CADM2: variants seen among roughly 807,000 people sequenced by gnomAD.
The protein encoded by CADM2 is cell adhesion molecule 2.
In CADM2, 12 loss-of-function variants were observed where a neutral mutation model predicts 49.8. The observed-to-expected ratio is 0.24, with a 90% CI of 0.15 to 0.39. The LOEUF (loss-of-function observed/expected upper bound fraction) is 0.39. CADM2 is among the 10% of genes least tolerant of loss of function. The pLI is 1.00. For synonymous variants in CADM2, 214 were observed against 175.4 expected (o/e 1.22, Z -1.74); for missense variants, 378 against 492.3 (o/e 0.77, Z 2.20).
At chr3:85,007,592 A>G (rs2033795478) in intron 1 of CADM2, among the ~76,000 whole-genome samples, 1 of 152,228 alleles carries the variant, frequency 6.6e-6, no homozygotes, top group Non-Finnish European at 1.5e-5. Context: ...ATGCTTTAAC[A>G]GAAGTCACCA....
intron 2 of CADM2, among the ~76,000 whole-genome samples, chr3:85,746,997 G>A (rs2107844639): frequency 6.6e-6 from 1 of 152,198 alleles, no homozygotes; most frequent in South Asian, 2.1e-4. Flanking sequence ...TGAATAACCT[G>A]ACTTCTGCCT....
At chr3:85,157,780 G>A (rs1166346582) in intron 1 of CADM2, among the ~76,000 whole-genome samples, 1 of 152,012 alleles carries the variant, frequency 6.6e-6, no homozygotes, top group Non-Finnish European at 1.5e-5. Context: ...ATAGGCATGG[G>A]CAAGGACTTC....
chr3:85,958,816 C>T (rs1448232383), intron 7 of CADM2, among the ~76,000 whole-genome samples: 1 of 151,900 alleles, frequency 6.6e-6, no homozygotes, highest in Non-Finnish European at 1.5e-5. Context: ...CCAAACACTT[C>T]ATGTTCTCAC....
At chr3:85,026,862 C>T (rs1360894224) in intron 1 of CADM2, among the ~76,000 whole-genome samples, 1 of 151,870 alleles carries the variant, frequency 6.6e-6, no homozygotes, top group Non-Finnish European at 1.5e-5. Flanking sequence ...AATGGAGATA[C>T]TTTACTGTTT....
chr3:85,796,028 T>C (rs1427666134), intron 2 of CADM2, among the ~76,000 whole-genome samples: 4 of 152,216 alleles, frequency 2.6e-5, no homozygotes, highest in Admixed American at 2.0e-4. Flanking sequence ...GAAAATTGTT[T>C]TGTAAATGTA....
intron 1 of CADM2, among the ~76,000 whole-genome samples, chr3:85,042,981 T>C (rs1399952655): frequency 1.3e-5 from 2 of 152,180 alleles, no homozygotes; most frequent in Admixed American, 1.3e-4. Context: ...AGAAACGTAT[T>C]ATACTTTTTA....
At chr3:85,991,153 A>G (rs2108703355) in intron 8 of CADM2, among the ~76,000 whole-genome samples, 1 of 152,128 alleles carries the variant, frequency 6.6e-6, no homozygotes, top group Middle Eastern at 3.4e-3. Context: ...TGTTAAAATA[A>G]CTCTTATCTT....
intron 8 of CADM2, among the ~76,000 whole-genome samples, chr3:86,019,650 G>A (rs1392649309): frequency 6.6e-6 from 1 of 151,908 alleles, no homozygotes; most frequent in East Asian, 1.9e-4. Flanking sequence ...ATTGTGAATG[G>A]GAGTTTACTC....
chr3:85,264,032 T>C (rs2043069230), intron 1 of CADM2, among the ~76,000 whole-genome samples: 1 of 152,076 alleles, frequency 6.6e-6, no homozygotes, highest in African/African-American at 2.4e-5. Flanking sequence ...GGAGGGAAAA[T>C]TGGAGTTAGA....
chr3:85,250,613 A>T (rs1265488281), intron 1 of CADM2, among the ~76,000 whole-genome samples: 1 of 151,692 alleles, frequency 6.6e-6, no homozygotes, highest in South Asian at 2.1e-4. Flanking sequence ...CTAAAAATAA[A>T]TTAATTGATA....
chr3:85,636,358 A>C (rs931748345), intron 1 of CADM2, among the ~76,000 whole-genome samples: 1 of 152,196 alleles, frequency 6.6e-6, no homozygotes, highest in African/African-American at 2.4e-5. Context: ...ACTTTTAAAA[A>C]ATGAAAAATT....
intron 1 of CADM2, among the ~76,000 whole-genome samples, chr3:85,507,888 CT>C (rs35887423): frequency 1.3e-5 from 2 of 150,374 alleles, no homozygotes; most frequent in East Asian, 4.1e-4. Flanking sequence ...TGTTCTTGCA[CT>C]TTTTAAAAGT....
At chr3:85,742,626 A>G (rs576498613) in intron 2 of CADM2, among the ~76,000 whole-genome samples, 2 of 152,218 alleles carry the variant, frequency 1.3e-5, no homozygotes, top group Admixed American at 6.5e-5. Flanking sequence ...CATGAAATAT[A>G]ATTTTGCAAA....
chr3:85,209,731 C>T (rs146786474), intron 1 of CADM2, among the ~76,000 whole-genome samples: 94 of 152,062 alleles, frequency 6.2e-4, no homozygotes, highest in Middle Eastern at 3.4e-3. Context: ...ACACTGCAGG[C>T]GTTTCCAATT....
intron 8 of CADM2, among the ~76,000 whole-genome samples, chr3:85,990,536 C>T (rs1183894297): frequency 2.6e-5 from 4 of 152,038 alleles, no homozygotes; most frequent in African/African-American, 4.8e-5. Flanking sequence ...GGATAGAGGA[C>T]GCATTATGGA....
At chr3:85,599,757 A>G (rs574319930) in intron 1 of CADM2, among the ~76,000 whole-genome samples, 16 of 152,122 alleles carry the variant, frequency 1.1e-4, no homozygotes, top group Middle Eastern at 3.4e-3. Context: ...GTAAAAATAA[A>G]TGTTCTAGAG....
At chr3:85,085,579 C>T (rs2037336294) in intron 1 of CADM2, among the ~76,000 whole-genome samples, 1 of 152,034 alleles carries the variant, frequency 6.6e-6, no homozygotes, top group African/African-American at 2.4e-5. Context: ...GGAATAATTA[C>T]TACTAGAAAA....
intron 1 of CADM2, among the ~76,000 whole-genome samples, chr3:85,104,854 G>A (rs773496439): frequency 6.6e-6 from 1 of 152,104 alleles, no homozygotes; most frequent in Non-Finnish European, 1.5e-5. Flanking sequence ...GTTCACTCAT[G>A]ATTTGGCTCT....
At chr3:85,179,015 A>G (rs2040858112) in intron 1 of CADM2, among the ~76,000 whole-genome samples, 1 of 151,990 alleles carries the variant, frequency 6.6e-6, no homozygotes, top group African/African-American at 2.4e-5. Flanking sequence ...ATACATCTCC[A>G]TGACTACATA....
Sources: allele counts gnomAD v4.1 joint callset (sites outside exome capture counted in the v4.1 genomes callset), GRCh38; gene constraint gnomAD v4.1.1; transcripts MANE v1.5; gene names NCBI Gene and HGNC (gene_info 2026-07-23, HGNC 2026-07-21).